Variants in DTNB observed in about 807,000 individuals in gnomAD.
DTNB encodes the protein DTN-B.
DTNB carries 63 observed loss-of-function variants against 90.7 expected under a neutral mutation model. The observed-to-expected ratio is 0.69, with a 90% CI of 0.57 to 0.86. The LOEUF is 0.86. Among genes scored for constraint, DTNB ranks in the 40% least tolerant of loss-of-function variants. The pLI, the probability that DTNB is intolerant of heterozygous loss-of-function variation, is 0.00. For synonymous variants in DTNB, 277 were observed against 286.7 expected (o/e 0.97, Z 0.34); for missense variants, 744 against 807.1 (o/e 0.92, Z 0.95).
chr2:25,521,575 G>T (rs972953825), intron 9 of DTNB, among the ~76,000 whole-genome samples: 1 of 151,726 alleles, frequency 6.6e-6, no homozygotes, highest in African/African-American at 2.4e-5. Context: ...GGAGAGACGG[G>T]GTTTCGCTAT....
rs998885027 is a variant in DTNB at position 25,583,235 on chromosome 2, A to T, written c.604-2409T>A. On this transcript the variant is annotated intron_variant, in intron 6 of 20. Coordinates refer to ENST00000406818, the MANE Select transcript of DTNB (RefSeq NM_021907.5). ...GCACTCCAGCCTGAGTGATGCAGTG[A>T]GATTCCGTCTCAAAAAAAAAAAAAA... Among the ~76,000 whole-genome samples, 9 of 132,152 alleles carry T rather than the reference A, an allele frequency of 6.8e-5. No individual in the cohort carries two copies. In the Admixed American group the frequency reaches 7.1e-4, roughly 10 times the overall value. 86.7% of individuals were successfully genotyped at this position (132,152 alleles called of 152,430 possible).
At chr2:25,526,744 G>C (rs1036208881) in intron 9 of DTNB, among the ~76,000 whole-genome samples, 1 of 151,834 alleles carries the variant, frequency 6.6e-6, no homozygotes, top group Admixed American at 6.6e-5. Flanking sequence ...TTTTAAGAAC[G>C]TATGCTAACA....
intron 8 of DTNB, among the ~76,000 whole-genome samples, chr2:25,546,736 G>A (rs1028203016): frequency 6.6e-5 from 10 of 152,176 alleles, no homozygotes; most frequent in South Asian, 6.2e-4. Flanking sequence ...TTAATCCAGC[G>A]TGCATGTCTC....
intron 16 of DTNB, among the ~76,000 whole-genome samples, chr2:25,398,252 C>G (rs2042891999): frequency 6.6e-6 from 1 of 152,224 alleles, no homozygotes; most frequent in Admixed American, 6.5e-5. Flanking sequence ...GGATCATTAC[C>G]TAGGGCATGC....
intron 9 of DTNB, among the ~76,000 whole-genome samples, chr2:25,524,579 C>T (rs1464324757): frequency 3.9e-5 from 6 of 152,020 alleles, no homozygotes; most frequent in Non-Finnish European, 8.8e-5. Flanking sequence ...TTCTCCTCTC[C>T]TCCCTAGGTA....
intron 16 of DTNB, among the ~76,000 whole-genome samples, chr2:25,418,660 C>G (rs1034192743): frequency 6.6e-6 from 1 of 150,780 alleles, no homozygotes; most frequent in Non-Finnish European, 1.5e-5. Flanking sequence ...GATCATGCCA[C>G]TGTACTCTGG....
At chr2:25,596,285 A>C in intron 5 of DTNB, 45 bp from the exon 6 acceptor site, 4 of 1,539,514 alleles carry the variant, frequency 2.6e-6, no homozygotes, top group South Asian at 2.5e-5. Flanking sequence ...AGGAAATATC[A>C]GCTTTTTATA....
At chr2:25,485,791 C>T (rs980640401) in intron 9 of DTNB, among the ~76,000 whole-genome samples, 10 of 151,730 alleles carry the variant, frequency 6.6e-5, no homozygotes, top group Admixed American at 2.6e-4. Flanking sequence ...GCCTGGGGAA[C>T]GTAGTGAGAC....
chr2:25,600,515 G>A (rs562005522), intron 5 of DTNB, among the ~76,000 whole-genome samples: 9 of 152,292 alleles, frequency 5.9e-5, no homozygotes, highest in African/African-American at 1.7e-4. Flanking sequence ...ACTTCTCAGC[G>A]TTTGGACTTA....
At chr2:25,399,031 T>C (rs1332200987) in intron 16 of DTNB, among the ~76,000 whole-genome samples, 1 of 152,150 alleles carries the variant, frequency 6.6e-6, no homozygotes, top group Non-Finnish European at 1.5e-5. Flanking sequence ...CTCCAGGAAG[T>C]AATACATCTA....
At chr2:25,405,649 C>T (rs938239468) in intron 16 of DTNB, among the ~76,000 whole-genome samples, 2 of 151,098 alleles carry the variant, frequency 1.3e-5, no homozygotes, top group African/African-American at 4.9e-5. Context: ...ATGATTTTTA[C>T]ATTTTTTAAT....
At chr2:25,531,677 A>G in intron 8 of DTNB, 80 bp from the exon 9 acceptor site, 1 of 1,518,906 alleles carries the variant, frequency 6.6e-7, no homozygotes, top group South Asian at 1.3e-5. Context: ...AAACTTTGTG[A>G]CAAGAGTGTA....
At chr2:25,442,635 T>C (rs2057685141) in intron 12 of DTNB, among the ~76,000 whole-genome samples, 2 of 152,236 alleles carry the variant, frequency 1.3e-5, no homozygotes, top group Non-Finnish European at 2.9e-5. Context: ...TAGCACCAAA[T>C]ACCAAAAACA....
At chr2:25,578,158 GA>G (rs1312388301) in intron 7 of DTNB, among the ~76,000 whole-genome samples, 2 of 151,950 alleles carry the variant, frequency 1.3e-5, no homozygotes, top group Admixed American at 1.3e-4. Context: ...AGTGAATCAA[GA>G]CTCAAAAAAA....
intron 4 of DTNB, among the ~76,000 whole-genome samples, chr2:25,627,736 C>CT (rs569673438): frequency 0.051 from 6,930 of 136,072 alleles, 467 homozygotes; most frequent in African/African-American, 0.16. Flanking sequence ...AATAATTTTC[C>CT]TTTTTTTTTT....
intron 9 of DTNB, among the ~76,000 whole-genome samples, chr2:25,495,913 C>T (rs1453351561): frequency 6.6e-6 from 1 of 152,198 alleles, no homozygotes; most frequent in Non-Finnish European, 1.5e-5. Flanking sequence ...AAAAACTCCC[C>T]TATCAGCAGA....
At chr2:25,651,419 C>G (rs1489292404) in intron 2 of DTNB, among the ~76,000 whole-genome samples, 1 of 152,222 alleles carries the variant, frequency 6.6e-6, no homozygotes, top group Non-Finnish European at 1.5e-5. Context: ...AACTCATGTA[C>G]ATAGTAAAAC....
intron 1 of DTNB, among the ~76,000 whole-genome samples, chr2:25,658,678 C>T (rs988567052): frequency 6.6e-6 from 1 of 152,200 alleles, no homozygotes; most frequent in African/African-American, 2.4e-5. Context: ...AGGCTACATA[C>T]TGTATGACTC....
chr2:25,638,888 A>C (rs2077629332), intron 3 of DTNB, 126 bp downstream of exon 3: 2 of 915,358 alleles, frequency 2.2e-6, no homozygotes, highest in African/African-American at 3.4e-5. Flanking sequence ...CAAAGCTTAC[A>C]TACTAATAAA....
Sources: gnomAD v4.1 joint callset for allele counts (sites outside exome capture counted in the v4.1 genomes callset) on GRCh38, gnomAD v4.1.1 for gene constraint, MANE v1.5 for transcripts, NCBI Gene and HGNC (gene_info 2026-07-23, HGNC 2026-07-21) for gene names.